The following LRRC7 variants were observed in gnomAD, a reference collection of about 807,000 sequenced individuals.
The protein encoded by LRRC7 is leucine-rich repeat-containing protein 7.
A neutral mutation model predicts 175.7 loss-of-function variants in LRRC7; 23 were observed. The observed-to-expected ratio is 0.13, with a 90% CI of 0.09 to 0.19. The LOEUF (loss-of-function observed/expected upper bound fraction) is 0.19. Ranked by LOEUF, LRRC7 falls within the 10% of genes least tolerant of loss-of-function variation. The pLI is 1.00. For synonymous variants in LRRC7, 685 were observed against 680.9 expected, an observed-to-expected ratio of 1.01 and a Z score of -0.09; for missense variants, 1,354 against 1,904.7, an observed-to-expected ratio of 0.71 and a Z score of 5.38.
At chr1:69,958,645 T>C (rs1650736435) in intron 8 of LRRC7, among the ~76,000 whole-genome samples, 1 of 151,942 alleles carries the variant, frequency 6.6e-6, no homozygotes, top group Non-Finnish European at 1.5e-5. Flanking sequence ...GATTTAGATC[T>C]CAGATGGACA....
chr1:69,781,862 A>AAGGC (rs1673743537), intron 3 of LRRC7, among the ~76,000 whole-genome samples: 1 of 140,052 alleles, frequency 7.1e-6, no homozygotes, highest in Non-Finnish European at 1.6e-5. Context: ...AAAGAAAGAG[A>AAGGC]AGGAAGGAAG....
At chr1:69,786,101 G>A (rs1674380889) in intron 3 of LRRC7, among the ~76,000 whole-genome samples, 1 of 151,942 alleles carries the variant, frequency 6.6e-6, no homozygotes, top group Admixed American at 6.6e-5. Flanking sequence ...TTTAAATGAT[G>A]TTATGTTTCT....
chr1:69,925,786 G>A (rs1369545676), intron 7 of LRRC7, among the ~76,000 whole-genome samples: 1 of 150,846 alleles, frequency 6.6e-6, no homozygotes, highest in East Asian at 2.0e-4. Flanking sequence ...GGGTTTTTTT[G>A]TGTCTCTATT....
chr1:69,787,458 C>T (rs1302599769), intron 3 of LRRC7, among the ~76,000 whole-genome samples: 1 of 152,228 alleles, frequency 6.6e-6, no homozygotes, highest in East Asian at 1.9e-4. Flanking sequence ...CATGAGGGCC[C>T]TGCCCCTGCA....
chr1:69,658,907 A>G (rs905128726), intron 1 of LRRC7, among the ~76,000 whole-genome samples: 6 of 152,030 alleles, frequency 3.9e-5, no homozygotes, highest in Admixed American at 3.9e-4. Flanking sequence ...ACAAGGTATG[A>G]TGACACATAC....
chr1:70,036,365 G>T, intron 19 of LRRC7, 79 bp from the exon 20 acceptor site: 1 of 1,453,446 alleles, frequency 6.9e-7, no homozygotes, highest in Non-Finnish European at 9.4e-7. Context: ...TAATCGGTAT[G>T]GTTTCCATTT....
At position 70,076,193 on chromosome 1, in the gene LRRC7, A is replaced by T. The variant is rs779532316; in HGVS notation, c.4347A>T (p.Pro1449=). ...TGACCATCCAGCAATTTCAGTCACC[A>T]TTGCCTATTCAGATCCCCTCTTCAC... The part of the protein sequence containing the change: ...NKVTIQQFQS[P]LPIQIPSSQA... Residue 1449 remains proline, a synonymous_variant, in exon 24 of 27, where the codon CCA becomes CCT. Transcript: ENST00000651989. 1 of 1,614,058 alleles carries T rather than the reference A, an allele frequency of 6.2e-7. No individual in the cohort carries two copies. The highest frequency in any genetic ancestry group is 1.1e-5 in the South Asian group (1 of 91,086).
chr1:69,977,031 C>T (rs1412959539), intron 8 of LRRC7, among the ~76,000 whole-genome samples: 1 of 152,168 alleles, frequency 6.6e-6, no homozygotes, highest in Non-Finnish European at 1.5e-5. Context: ...CAGTCTCTCC[C>T]ATTTATCTGC....
chr1:69,982,952 C>T lies in LRRC7; in HGVS notation c.786+2499C>T, dbSNP rs76831559. ...CCAAAAAGAATGTTTAGGAACTGCA[C>T]ACCAAAATACTAAATTACGCTGAAG... On this transcript the variant is annotated intron_variant, in intron 9 of 26. Coordinates refer to ENST00000651989, the MANE Select transcript of LRRC7 (RefSeq NM_001370785.2). 4.6e-3 allele frequency among the ~76,000 whole-genome samples: 698 copies of T among 152,222 alleles called. 8 individuals carry two copies. The highest frequency in any genetic ancestry group is 0.016 in the African/African-American group (647 of 41,540).
intron 2 of LRRC7, among the ~76,000 whole-genome samples, chr1:69,728,048 C>A (rs1667168440): frequency 6.6e-6 from 1 of 152,044 alleles, no homozygotes; most frequent in African/African-American, 2.4e-5. Context: ...CTGGCAGTCA[C>A]CTGAGATGTG....
In LRRC7 at chr1:69,938,999, ATATATATATATATATC is replaced by A. The variant is rs897816934; in HGVS notation, c.711+7455_711+7470del. ...TAAAGCCACTAAGGCTGTAGATTAT[ATATATATATATATATC>A]TATATATATATATATCTATATATAT... is the stretch of plus-strand genomic sequence containing the variant. On this transcript the variant is annotated intron_variant, in intron 8 of 26. Transcript: ENST00000651989. Among the ~76,000 whole-genome samples the A allele has an allele frequency of 2.9e-3, 280 of 98,000 alleles. 3 individuals are homozygous for A. The highest frequency in any genetic ancestry group is 4.8e-3 in the Admixed American group (44 of 9,192). 64.3% of individuals were successfully genotyped at this position (98,000 alleles called of 152,430 possible).
chr1:69,869,783 G>A (rs1487395984), intron 7 of LRRC7, among the ~76,000 whole-genome samples: 4 of 152,064 alleles, frequency 2.6e-5, no homozygotes, highest in African/African-American at 9.7e-5. Context: ...AGATCCCAAA[G>A]GTAAAGATTG....
chr1:70,074,895 G>T (rs1662662537), intron 23 of LRRC7, among the ~76,000 whole-genome samples: 1 of 151,884 alleles, frequency 6.6e-6, no homozygotes, highest in Non-Finnish European at 1.5e-5. Flanking sequence ...TCTCTTCCAT[G>T]AATACTTATT....
intron 2 of LRRC7, among the ~76,000 whole-genome samples, chr1:69,734,259 C>T (rs183637603): frequency 6.6e-6 from 1 of 151,858 alleles, no homozygotes; most frequent in African/African-American, 2.4e-5. Flanking sequence ...CTTCAGTTAC[C>T]TCTATCTGAA....
At chr1:70,050,585 A>T (rs1660672856) in intron 22 of LRRC7, among the ~76,000 whole-genome samples, 1 of 152,130 alleles carries the variant, frequency 6.6e-6, no homozygotes, top group African/African-American at 2.4e-5. Context: ...GTGCAAAAAA[A>T]TAATTGAATT....
chr1:70,121,660 T>C, intron 26 of LRRC7, 120 bp from the exon 27 acceptor site: 2 of 638,212 alleles, frequency 3.1e-6, no homozygotes, highest in Non-Finnish European at 5.5e-6. Flanking sequence ...GATTCCATTG[T>C]GAATTATAAA....
chr1:69,996,180 T>G (rs1002317390), intron 11 of LRRC7, among the ~76,000 whole-genome samples: 2 of 151,294 alleles, frequency 1.3e-5, no homozygotes, highest in African/African-American at 4.9e-5. Flanking sequence ...TTTCATGTGT[T>G]TTTTGGCTGC....
chr1:69,830,489 A>G (rs1392720419), intron 5 of LRRC7, among the ~76,000 whole-genome samples: 2 of 151,850 alleles, frequency 1.3e-5, no homozygotes, highest in Admixed American at 6.6e-5. Context: ...TTTTCATTCT[A>G]TGTTATTTTC....
chr1:69,719,996 G>A (rs182964606), intron 2 of LRRC7, among the ~76,000 whole-genome samples: 1 of 151,488 alleles, frequency 6.6e-6, no homozygotes, highest in East Asian at 1.9e-4. Flanking sequence ...TCAACCTTCT[G>A]GTTCTTATAT....
Sources: gnomAD v4.1 joint callset for allele counts (sites outside exome capture counted in the v4.1 genomes callset) on GRCh38, gnomAD v4.1.1 for gene constraint, MANE v1.5 for transcripts, NCBI Gene and HGNC (gene_info 2026-07-23, HGNC 2026-07-21) for gene names.